The following PDE3B variants were observed in gnomAD, a reference collection of about 807,000 sequenced individuals.
PDE3B encodes the protein cGMP-inhibited 3',5'-cyclic phosphodiesterase 3B.
In PDE3B, 66 loss-of-function variants were observed where a neutral mutation model predicts 116.8. The observed-to-expected ratio is 0.56, with a 90% CI of 0.46 to 0.69. PDE3B has a LOEUF of 0.69. PDE3B is among the 30% of genes least tolerant of loss of function. The probability of loss-of-function intolerance (pLI) is 0.00; values close to 1 mark genes in which losing one functional copy is unlikely to be tolerated. For synonymous variants in PDE3B, 595 were observed against 533.6 expected (o/e 1.12, Z -1.59); for missense variants, 1,384 against 1,368.1 (o/e 1.01, Z -0.18).
chr11:14,867,565 T>C lies in PDE3B; in HGVS notation c.2946T>C (p.Pro982=). The change falls in exon 15 of 16, where the codon CCT becomes CCC. Residue 982 remains proline (P), a synonymous_variant. Coordinates refer to ENST00000282096, the MANE Select transcript of PDE3B (RefSeq NM_000922.4). Reference sequence around the variant, plus strand: ...GTCCATTCATGGATCGTTCTTCTCCTCAACTAGCAAAACTCCAAGAATCTT... The same window carrying C: ...GTCCATTCATGGATCGTTCTTCTCCCCAACTAGCAAAACTCCAAGAATCTT... ...PISPFMDRSS[P]QLAKLQESFI... is the part of the protein sequence containing the mutation. The C allele has an allele frequency of 6.2e-7, 1 of 1,613,974 alleles. No homozygotes were observed. Among genetic ancestry groups the C allele is most frequent in the South Asian group, 1.1e-5 (1 of 91,076 alleles).
chr11:14,752,315 C>A (rs1857076712), intron 1 of PDE3B, among the ~76,000 whole-genome samples: 1 of 152,076 alleles, frequency 6.6e-6, no homozygotes, highest in Non-Finnish European at 1.5e-5. Context: ...AAAACTGGGA[C>A]AATCTAGGAG....
chr11:14,684,712 C>A (rs755628383), intron 1 of PDE3B, among the ~76,000 whole-genome samples: 6 of 152,110 alleles, frequency 3.9e-5, no homozygotes, highest in Non-Finnish European at 8.8e-5. Context: ...TTATAGACCT[C>A]CCCCCAGGGA....
intron 5 of PDE3B, among the ~76,000 whole-genome samples, chr11:14,806,008 A>C (rs1337812835): frequency 6.6e-6 from 1 of 152,184 alleles, no homozygotes; most frequent in Non-Finnish European, 1.5e-5. Flanking sequence ...GCTGGAGAGG[A>C]GGTGGAGAAA....
rs1848144853 is a variant in PDE3B, at chr11:14,871,754, C to A, written c.*2094C>A. On this transcript the variant is annotated 3_prime_UTR_variant, in exon 16 of 16. Coordinates refer to ENST00000282096, the MANE Select transcript of PDE3B (RefSeq NM_000922.4). Reference sequence around the variant, plus strand: ...TGTAACAATAACTAGCCTAAAGAAACCCAAAAAAGTATCTCTCCCGAGCTG... The same window carrying A: ...TGTAACAATAACTAGCCTAAAGAAAACCAAAAAAGTATCTCTCCCGAGCTG... 6.6e-6 allele frequency: 1 copy of A among 151,908 alleles called. No homozygotes were observed. Among genetic ancestry groups the A allele is most frequent in the Non-Finnish European group, 1.5e-5 (1 of 67,956 alleles). 9.4% of individuals were successfully genotyped at this position (151,908 alleles called of 1,614,324 possible).
chr11:14,661,642 A>G (rs1385429862), intron 1 of PDE3B, among the ~76,000 whole-genome samples: 1 of 152,146 alleles, frequency 6.6e-6, no homozygotes, highest in Admixed American at 6.5e-5. Flanking sequence ...AAAACGGCGC[A>G]CCACAAGATT....
chr11:14,758,694 G>A (rs2133884313), intron 1 of PDE3B, among the ~76,000 whole-genome samples: 1 of 150,516 alleles, frequency 6.6e-6, no homozygotes, highest in East Asian at 2.0e-4. Flanking sequence ...TCAGCTTAAG[G>A]AGATTTTGGG....
intron 1 of PDE3B, among the ~76,000 whole-genome samples, chr11:14,758,125 G>A (rs1179935336): frequency 5.9e-5 from 9 of 152,048 alleles, no homozygotes; most frequent in Admixed American, 1.3e-4. Context: ...GATATGTGGC[G>A]TTATTTCTGA....
chr11:14,644,332 C>T lies in PDE3B; in HGVS notation c.257C>T (p.Ala86Val). Residue 86 changes from alanine to valine, a missense_variant, in exon 1 of 16, where the codon GCT becomes GTT. Transcript: ENST00000282096. ...CRARLSLGALAAFVLALLLGA... is the reference protein window; with the variant it reads ...CRARLSLGALVAFVLALLLGA... ...GCGCGCCTCTCGCTGGGCGCCCTGG[C>T]TGCCTTTGTCCTCGCCCTGCTGCTG... The T allele has an allele frequency of 6.3e-7, 1 of 1,576,372 alleles. No individual in the cohort carries two copies. The highest frequency in any genetic ancestry group is 1.4e-5 in the African/African-American group (1 of 72,748).
Position 14,830,778 on chromosome 11 carries a change from A to G in PDE3B, c.1888A>G (p.Ser630Gly), listed in dbSNP as rs201482573. The G allele has an allele frequency of 2.1e-5, 33 of 1,546,642 alleles. No homozygotes were observed. The highest frequency in any genetic ancestry group is 2.8e-5 in the African/African-American group (2 of 70,566). The change falls in exon 8 of 16, where the codon AGC (serine) becomes GGC (glycine). Residue 630 changes from serine to glycine, a missense_variant. Ser to Gly is a moderately conservative substitution (Grantham distance 56). Transcript: ENST00000282096. ...AGAAGAGGAAACAGAGAAGAAAGAC[A>G]GCAGAAAATTATTTCAGGAAGGTGA... ...QQEEETEKKD[S>G]RKLFQEGDKW...
At chr11:14,782,397 G>A (rs1453832258) in intron 2 of PDE3B, among the ~76,000 whole-genome samples, 3 of 151,924 alleles carry the variant, frequency 2.0e-5, no homozygotes, top group African/African-American at 7.2e-5. Context: ...GCATGGTACT[G>A]GTACCAAAAC....
At chr11:14,686,410 A>G (rs1004781591) in intron 1 of PDE3B, among the ~76,000 whole-genome samples, 1 of 152,216 alleles carries the variant, frequency 6.6e-6, no homozygotes, top group Non-Finnish European at 1.5e-5. Context: ...TTTAAAGAAA[A>G]TAATAACAGT....
At chr11:14,776,202 T>C (rs1857779610) in intron 2 of PDE3B, 1 of 152,226 alleles carries the variant, frequency 6.6e-6, no homozygotes, top group African/African-American at 2.4e-5. Context: ...ACAAGAGCCC[T>C]GCCAACACTA....
At chr11:14,649,507 C>T (rs1372327997) in intron 1 of PDE3B, among the ~76,000 whole-genome samples, 2 of 152,184 alleles carry the variant, frequency 1.3e-5, no homozygotes, top group Admixed American at 1.3e-4. Flanking sequence ...CTTTTACTTT[C>T]CACAAGGAGC....
intron 1 of PDE3B, among the ~76,000 whole-genome samples, chr11:14,732,714 G>T (rs1463618559): frequency 6.6e-6 from 1 of 152,070 alleles, no homozygotes; most frequent in Non-Finnish European, 1.5e-5. Context: ...ACATACTCAG[G>T]TCCTACATTA....
intron 5 of PDE3B, among the ~76,000 whole-genome samples, chr11:14,806,228 G>A (rs542106492): frequency 1.3e-5 from 2 of 151,854 alleles, no homozygotes; most frequent in Admixed American, 6.6e-5. Context: ...CAAGGCAGGC[G>A]GATCATGAGG....
the PDE3B span, chr11:14,892,146 C>G: frequency 4.3e-6 from 7 of 1,611,266 alleles, no homozygotes; most frequent in Non-Finnish European, 5.9e-6. Context: ...CGAAGAGCAG[C>G]AGGAAGAGCG....
intron 1 of PDE3B, among the ~76,000 whole-genome samples, chr11:14,734,571 C>A (rs1229624867): frequency 6.6e-6 from 1 of 152,110 alleles, no homozygotes; most frequent in Non-Finnish European, 1.5e-5. Flanking sequence ...TGCATGATTA[C>A]ATACTTTTTC....
chr11:14,875,623 C>T (rs782414942), downstream of PDE3B, among the ~76,000 whole-genome samples: 2 of 152,146 alleles, frequency 1.3e-5, no homozygotes, highest in Non-Finnish European at 2.9e-5. Flanking sequence ...AAAAGTGCAG[C>T]ATTTTATTTT....
At chr11:14,682,723 A>G (rs944142512) in intron 1 of PDE3B, among the ~76,000 whole-genome samples, 12 of 151,064 alleles carry the variant, frequency 7.9e-5, no homozygotes, top group Non-Finnish European at 4.4e-5. Context: ...ATTTGTTGAT[A>G]TTTTATTAAG....
Sources: allele counts gnomAD v4.1 joint callset (sites outside exome capture counted in the v4.1 genomes callset), GRCh38; gene constraint gnomAD v4.1.1; transcripts MANE v1.5; gene names NCBI Gene and HGNC (gene_info 2026-07-23, HGNC 2026-07-21).